The following INPP5A variants were observed in gnomAD, a reference collection of about 807,000 sequenced individuals.
INPP5A encodes 43 kDa inositol polyphosphate 5-phophatase.
A neutral mutation model predicts 65.2 loss-of-function variants in INPP5A; 14 were observed. The observed-to-expected ratio is 0.21, with a 90% confidence interval of 0.14 to 0.34. INPP5A has a LOEUF of 0.34. Among genes scored for constraint, INPP5A ranks in the 10% least tolerant of loss-of-function variants. The pLI, the probability that INPP5A is intolerant of heterozygous loss-of-function variation, is 1.00. For synonymous variants in INPP5A, 207 were observed against 208.3 expected, an observed-to-expected ratio of 0.99 and a Z score of 0.05; for missense variants, 431 against 545.6, an observed-to-expected ratio of 0.79 and a Z score of 2.09.
At chr10:132,703,088 C>T in intron 6 of INPP5A, among the ~76,000 whole-genome samples, 1 of 152,130 alleles carries the variant, frequency 6.6e-6, no homozygotes, top group Non-Finnish European at 1.5e-5. Context: ...ACCGTTTCTC[C>T]CAGAGGAGCT....
At chr10:132,635,386 A>AATTTTTTTT (rs2072331987) in intron 2 of INPP5A, among the ~76,000 whole-genome samples, 3 of 54,500 alleles carry the variant, frequency 5.5e-5, no homozygotes, top group African/African-American at 2.4e-4. Context: ...CTTTTTAAAG[A>AATTTTTTTT]TTTTTTTTTT....
At chr10:132,612,327 A>C (rs1178436433) in intron 2 of INPP5A, among the ~76,000 whole-genome samples, 1 of 152,094 alleles carries the variant, frequency 6.6e-6, no homozygotes, top group Admixed American at 6.5e-5. Flanking sequence ...CCTGTCAGAC[A>C]AGACCTGTGG....
chr10:132,608,127 C>T (rs1564932718), intron 2 of INPP5A, among the ~76,000 whole-genome samples, 171 bp downstream of exon 2: 1 of 152,248 alleles, frequency 6.6e-6, no homozygotes. Context: ...TTCTGTGTCA[C>T]AGTCGGTCCA....
In INPP5A at chr10:132,704,474, C is replaced by T. The variant is rs536549710; in HGVS notation, c.475-3839C>T. 2.0e-4 allele frequency among the ~76,000 whole-genome samples: 30 copies of T among 152,366 alleles called. No individual in the cohort carries two copies. The highest frequency in any genetic ancestry group is 3.2e-4 in the Non-Finnish European group (22 of 68,042). The stretch of plus-strand genomic sequence containing the variant: ...GTTGGGTGTGTGCCTGTGTGTTGGA[C>T]GCCAGCCCGCGGCGGCTGCTGGTGC... On this transcript the variant is annotated intron_variant, in intron 6 of 15. Transcript: ENST00000368594. This position sits in a 1 kb window ranked among gnomAD's most constrained non-coding sequence, Gnocchi z 4.5.
At chr10:132,772,342 A>C (rs879810943) in intron 12 of INPP5A, among the ~76,000 whole-genome samples, 1 of 65,058 alleles carries the variant, frequency 1.5e-5, no homozygotes, top group African/African-American at 5.5e-5. Flanking sequence ...CACAGAGGCC[A>C]CAGCAGCCAC....
Position 132,741,694 on chromosome 10 carries a change from A to G in INPP5A, c.733-7823A>G, listed in dbSNP as rs557924069. Among the ~76,000 whole-genome samples, 20 of 152,032 alleles carry G rather than the reference A, an allele frequency of 1.3e-4. No individual in the cohort carries two copies. Among genetic ancestry groups the G allele is most frequent in the South Asian group, 4.2e-4 (2 of 4,802 alleles). On this transcript the variant is annotated intron_variant, in intron 9 of 15. Transcript: ENST00000368594. The surrounding 1 kb of genome is among the most constrained non-coding windows in gnomAD (Gnocchi z 4.4). The stretch of plus-strand genomic sequence containing the variant: ...GTCCGCTTGCTTTTCTCAATAGCCA[A>G]TGTAAACTGAGGTGGACGTCAGTAT...
rs1408131447 is a variant in INPP5A, at chr10:132,710,475, G to A, written c.647+19G>A. 1.9e-6 allele frequency: 3 copies of A among 1,610,336 alleles called. No homozygotes were observed. Among genetic ancestry groups the A allele is most frequent in the African/African-American group, 1.3e-5 (1 of 74,754 alleles). On this transcript the variant is annotated intron_variant, in intron 8 of 15. Coordinates refer to ENST00000368594, the MANE Select transcript of INPP5A (RefSeq NM_005539.5). ...TGGACAGGTAGGTGTGGGCGGGCAG[G>A]TAGGCGTGGGCCGGGCAAGTAGGTG...
chr10:132,747,085 CAG>C (rs962494137), intron 9 of INPP5A, among the ~76,000 whole-genome samples: 2 of 152,232 alleles, frequency 1.3e-5, no homozygotes, highest in Non-Finnish European at 2.9e-5. Context: ...TTTTGGGAGA[CAG>C]AGCCGTGAAT....
In INPP5A at chr10:132,575,069, G is replaced by A. The variant is rs1006696218; in HGVS notation, c.76-32846G>A. On this transcript the variant is annotated intron_variant, in intron 1 of 15. Coordinates refer to ENST00000368594, the MANE Select transcript of INPP5A (RefSeq NM_005539.5). This position sits in a 1 kb window ranked among gnomAD's most constrained non-coding sequence, Gnocchi z 5.4. The stretch of plus-strand genomic sequence containing the variant: ...CGGGGGCTCCGGATTCGGGGTGTCC[G>A]TGGAAAACACATGATGCCAGGTCCA... Among the ~76,000 whole-genome samples, 9 of 152,164 alleles carry A rather than the reference G, an allele frequency of 5.9e-5. No individual in the cohort carries two copies. Among genetic ancestry groups the A allele is most frequent in the Non-Finnish European group, 7.3e-5 (5 of 68,028 alleles).
At chr10:132,645,704 C>T (rs1173632815) in intron 2 of INPP5A, among the ~76,000 whole-genome samples, 164 bp from the exon 3 acceptor site, 6 of 152,200 alleles carry the variant, frequency 3.9e-5, no homozygotes, top group Non-Finnish European at 7.3e-5. Flanking sequence ...ACAAAGGCGA[C>T]GTGACTCCTA....
chr10:132,740,764 G>A (rs1846257996), intron 9 of INPP5A, among the ~76,000 whole-genome samples: 1 of 152,214 alleles, frequency 6.6e-6, no homozygotes, highest in Non-Finnish European at 1.5e-5. Context: ...AAAGAAGGAT[G>A]GGACTTGGCA....
intron 12 of INPP5A, among the ~76,000 whole-genome samples, chr10:132,769,945 T>C (rs919191648): frequency 2.0e-5 from 3 of 152,220 alleles, no homozygotes; most frequent in Non-Finnish European, 2.9e-5. Context: ...TTAGTTTAAC[T>C]TTGAGAATTA....
At chr10:132,688,355 G>T (rs1181572877) in intron 4 of INPP5A, among the ~76,000 whole-genome samples, 2 of 152,218 alleles carry the variant, frequency 1.3e-5, no homozygotes, top group Admixed American at 6.5e-5. Context: ...CCACCCCAGT[G>T]ACCGGTCGTC....
intron 12 of INPP5A, among the ~76,000 whole-genome samples, chr10:132,771,874 A>G (rs11146511): frequency 0.012 from 807 of 69,230 alleles, 63 homozygotes; most frequent in Middle Eastern, 0.024. Flanking sequence ...CACCCCGCGA[A>G]GAGTGGGACA....
chr10:132,692,940 T>A (rs937380100), intron 5 of INPP5A, among the ~76,000 whole-genome samples: 1 of 152,220 alleles, frequency 6.6e-6, no homozygotes, highest in African/African-American at 2.4e-5. Context: ...TAACTTTTGC[T>A]CAACGTAACA....
rs992015364 is a variant in INPP5A, at chr10:132,701,021, G to A, written c.474+3102G>A. 8.5e-5 allele frequency among the ~76,000 whole-genome samples: 13 copies of A among 152,194 alleles called. 1 individual carries two copies. The highest frequency in any genetic ancestry group is 2.1e-4 in the South Asian group (1 of 4,826). ...GGTTGCTACCATAGATCACAGGGCC[G>A]GCTGCAAGCTCTCATGAAGGATGAA... On this transcript the variant is annotated intron_variant, in intron 6 of 15. Transcript: ENST00000368594.
At chr10:132,589,211 C>T (rs889966385) in intron 1 of INPP5A, among the ~76,000 whole-genome samples, 2 of 152,228 alleles carry the variant, frequency 1.3e-5, no homozygotes, top group Admixed American at 6.5e-5. Context: ...TCTGACCAGG[C>T]GTTCACTCTG....
chr10:132,733,618 A>G (rs914119914), intron 9 of INPP5A, among the ~76,000 whole-genome samples: 4 of 152,244 alleles, frequency 2.6e-5, no homozygotes, highest in African/African-American at 9.6e-5. Context: ...AAAATTCTGC[A>G]CGATTTTCTT....
chr10:132,638,335 C>T (rs915201594), intron 2 of INPP5A, among the ~76,000 whole-genome samples: 17 of 152,180 alleles, frequency 1.1e-4, no homozygotes, highest in African/African-American at 4.1e-4. Context: ...CTGGGATGCT[C>T]TTCCAGAATC....
Sources: gnomAD v4.1 joint callset for allele counts (sites outside exome capture counted in the v4.1 genomes callset) on GRCh38, gnomAD v4.1.1 for gene constraint, Gnocchi (gnomAD v3.1) non-coding constraint, MANE v1.5 for transcripts, NCBI Gene and HGNC (gene_info 2026-07-23, HGNC 2026-07-21) for gene names.